The following CRYBG2 variants were observed in gnomAD, a reference collection of about 807,000 sequenced individuals.
CRYBG2 encodes beta/gamma crystallin domain-containing protein 2.
In CRYBG2, 106 loss-of-function variants were observed where a neutral mutation model predicts 153.4. The observed-to-expected ratio is 0.69, with a 90% CI of 0.59 to 0.81. The LOEUF is 0.81. Ranked by LOEUF, CRYBG2 falls within the 30% of genes least tolerant of loss-of-function variation. The probability of loss-of-function intolerance (pLI) is 0.00; values close to 1 mark genes in which losing one functional copy is unlikely to be tolerated. For synonymous variants in CRYBG2, 851 were observed against 877.8 expected (o/e 0.97, Z 0.54); for missense variants, 1,996 against 2,112.0 (o/e 0.95, Z 1.08).
At chr1:26,348,944 C>T (rs865816917) in intron 1 of CRYBG2, among the ~76,000 whole-genome samples, 28 of 151,840 alleles carry the variant, frequency 1.8e-4, no homozygotes, top group African/African-American at 5.3e-4. Context: ...CGAGGCAGGC[C>T]GATCACCTGA....
rs924622423 is a variant in CRYBG2, at chr1:26,336,576, G to A, written c.4038+30C>T. 1 of 1,542,406 alleles carries A rather than the reference G, an allele frequency of 6.5e-7. No homozygotes were observed. The highest frequency in any genetic ancestry group is 8.7e-7 in the Non-Finnish European group (1 of 1,143,220). ...CCGAACTCCAGGTCCCGCCACCGGGGAGGCCCCGCCCCCCGCGGCCGGCAC... is the reference window on the plus strand; with the variant it reads ...CCGAACTCCAGGTCCCGCCACCGGGAAGGCCCCGCCCCCCGCGGCCGGCAC... On this transcript the variant is annotated intron_variant, in intron 12 of 19. Transcript: ENST00000308182. This position sits in a 1 kb window ranked among gnomAD's most constrained non-coding sequence, Gnocchi z 4.9.
chr1:26,337,254 G>A lies in CRYBG2; in HGVS notation c.3770C>T (p.Thr1257Met), dbSNP rs997621101. 10 of 1,613,866 alleles carry A rather than the reference G, an allele frequency of 6.2e-6. No individual in the cohort carries two copies. Among genetic ancestry groups the A allele is most frequent in the African/African-American group, 4.0e-5 (3 of 74,878 alleles). ...ELLTSLRVIR[T>M]DFGDPAVVLF... is the part of the protein sequence containing the mutation. ...GATGGGCCAATTGCCTTTGCTTACC[G>A]TCCGGATGACCCGGAGGGAGGTCAG... The change falls in exon 10 of 20, where the codon ACG (threonine) becomes ATG (methionine). Residue 1257 changes from threonine to methionine, a missense_variant and splice_region_variant. Coordinates refer to ENST00000308182, the MANE Select transcript of CRYBG2 (RefSeq NM_001039775.4).
chr1:26,353,043 G>A (rs1349875297), intron 1 of CRYBG2, among the ~76,000 whole-genome samples: 2 of 152,092 alleles, frequency 1.3e-5, no homozygotes, highest in Admixed American at 1.3e-4. Context: ...TCCACTCTCT[G>A]CACAGGGCCA....
intron 14 of CRYBG2, among the ~76,000 whole-genome samples, chr1:26,333,287 CG>C (rs1467035574): frequency 1.3e-5 from 2 of 151,948 alleles, no homozygotes; most frequent in African/African-American, 2.4e-5. Context: ...AGGAAGAGGC[CG>C]GGTGCCGTGG....
Position 26,326,416 on chromosome 1 carries a change from T to C in CRYBG2, c.4578+1793A>G, listed in dbSNP as rs187190799. On this transcript the variant is annotated intron_variant, in intron 17 of 19. Coordinates refer to ENST00000308182, the MANE Select transcript of CRYBG2 (RefSeq NM_001039775.4). Reference sequence around the variant, plus strand: ...AGCCGGGCATGGTGGCGGGTGCCTGTAGTCCCAGCTACTCAGGAGGCTGAG... The same window carrying C: ...AGCCGGGCATGGTGGCGGGTGCCTGCAGTCCCAGCTACTCAGGAGGCTGAG... Among the ~76,000 whole-genome samples the C allele has an allele frequency of 4.7e-3, 718 of 151,732 alleles. 37 individuals carry two copies. In the East Asian group the frequency reaches 0.12, roughly 25 times the overall value.
chr1:26,347,942 T>C (rs569210787), intron 1 of CRYBG2, among the ~76,000 whole-genome samples: 1 of 152,312 alleles, frequency 6.6e-6, no homozygotes, highest in African/African-American at 2.4e-5. Context: ...CTTTTTATCT[T>C]TTTATTTTAA....
chr1:26,321,977 G>A lies in CRYBG2; in HGVS notation c.4977C>T (p.His1659=), dbSNP rs376404772. The A allele has an allele frequency of 4.0e-5, 63 of 1,583,040 alleles. No homozygotes were observed. The highest frequency in any genetic ancestry group is 2.7e-4 in the African/African-American group (20 of 74,246). Residue 1659 remains histidine (H), a synonymous_variant, in exon 20 of 20, where the codon CAC becomes CAT. Transcript: ENST00000308182. ...GGTGAGGGGAAAAGTTTCAAAGCAC[G>A]TGGATAGTCCAGATCTGGGATGCCC... The part of the protein sequence containing the change: ...EDRASQIWTI[H]VL
intron 8 of CRYBG2, 52 bp downstream of exon 8, chr1:26,337,960 C>A (rs370405670): frequency 1.4e-4 from 222 of 1,597,840 alleles, no homozygotes; most frequent in Non-Finnish European, 1.7e-4. Flanking sequence ...TAACCAAACA[C>A]CTGCACCCCG....
chr1:26,344,603 A>T lies in CRYBG2; in HGVS notation c.2055T>A (p.Ser685=). Residue 685 remains serine (S), a synonymous_variant, in exon 2 of 20, where the codon TCT becomes TCA. Coordinates refer to ENST00000308182, the MANE Select transcript of CRYBG2 (RefSeq NM_001039775.4). ...TGAGAGATGAGATGGGGCTCCCTTCAGAGTCCTGGACCCCCTTATCCTGTT... is the reference window on the plus strand; with the variant it reads ...TGAGAGATGAGATGGGGCTCCCTTCTGAGTCCTGGACCCCCTTATCCTGTT... ...LPKQDKGVQD[S]EGSPISSLTQ... 1 of 1,536,586 alleles carries T rather than the reference A, an allele frequency of 6.5e-7. No homozygotes were observed.
Position 26,345,921 on chromosome 1 carries a change from T to C in CRYBG2, c.737A>G (p.His246Arg). ...KVLSNLVPAG[H>R]SPPASHLPRP... is the part of the protein sequence containing the mutation. ...GGGCAGGTGACTGGCAGGGGGGCTG[T>C]GCCCAGCAGGCACGAGGTTACTTAG... Residue 246 changes from histidine (H) to arginine (R), a missense_variant, in exon 2 of 20, where the codon CAC (histidine) becomes CGC (arginine). By Grantham distance (29) the His-to-Arg change is conservative. Transcript: ENST00000308182. The C allele has an allele frequency of 1.9e-6, 3 of 1,596,810 alleles. No individual in the cohort carries two copies. The highest frequency in any genetic ancestry group is 1.7e-5 in the Admixed American group (1 of 59,920).
In CRYBG2 at chr1:26,336,451, C is replaced by T. The variant is rs2074056595; in HGVS notation, c.4039-81G>A. 2 of 1,568,842 alleles carry T rather than the reference C, an allele frequency of 1.3e-6. No individual in the cohort carries two copies. Among genetic ancestry groups the T allele is most frequent in the Non-Finnish European group, 1.7e-6 (2 of 1,156,954 alleles). On this transcript the variant is annotated intron_variant, in intron 12 of 19. Coordinates refer to ENST00000308182, the MANE Select transcript of CRYBG2 (RefSeq NM_001039775.4). The surrounding 1 kb of genome is among the most constrained non-coding windows in gnomAD (Gnocchi z 4.9). ...TTCTCTAGGTTTCAGTACCGTCCAC[C>T]CCGCGGCCGCGCCCTCGGCCCCGCC...
chr1:26,333,986 T>A (rs1451502724), intron 14 of CRYBG2, among the ~76,000 whole-genome samples: 1 of 152,150 alleles, frequency 6.6e-6, no homozygotes, highest in Non-Finnish European at 1.5e-5. Context: ...ATCCACCTAA[T>A]TAAAAATTTT....
At chr1:26,330,162 G>T (rs569895697) in intron 15 of CRYBG2, among the ~76,000 whole-genome samples, 2 of 152,268 alleles carry the variant, frequency 1.3e-5, no homozygotes, top group Non-Finnish European at 2.9e-5. Flanking sequence ...ATTCATCAGG[G>T]TTTACTACAG....
Position 26,336,791 on chromosome 1 carries a change from G to A in CRYBG2, c.3911+50C>T. On this transcript the variant is annotated intron_variant, in intron 11 of 19. Coordinates refer to ENST00000308182, the MANE Select transcript of CRYBG2 (RefSeq NM_001039775.4). This position sits in a 1 kb window ranked among gnomAD's most constrained non-coding sequence, Gnocchi z 4.9. ...CGGAGCCTGCACCTCTCCTGGAACC[G>A]CCCCCGGCTCGCCCGGGCCCGCCCC... is the stretch of plus-strand genomic sequence containing the variant. The A allele has an allele frequency of 5.1e-6, 8 of 1,558,840 alleles. No individual in the cohort carries two copies. The highest frequency in any genetic ancestry group is 6.1e-6 in the Non-Finnish European group (7 of 1,153,214).
chr1:26,332,818 T>G (rs1413659214), intron 14 of CRYBG2, among the ~76,000 whole-genome samples: 5 of 151,888 alleles, frequency 3.3e-5, no homozygotes, highest in African/African-American at 1.2e-4. Context: ...AATTCACACT[T>G]TTAAGGTGTA....
rs1426996219 is a variant in CRYBG2, at chr1:26,346,492, C to CA, written c.165dup (p.Glu56Ter). ...TCCACTTCCTCTCGACGGCTGAACT[C>CA]AAACATCTCCTTCTGCGGGGCTTCC... On this transcript the variant is annotated frameshift_variant, in exon 2 of 20. Coordinates refer to ENST00000308182, the MANE Select transcript of CRYBG2 (RefSeq NM_001039775.4). LOFTEE classifies it high-confidence loss of function. This position sits in a 1 kb window ranked among gnomAD's most constrained non-coding sequence, Gnocchi z 4.9. 1 of 1,612,554 alleles carries CA rather than the reference C, an allele frequency of 6.2e-7. No individual in the cohort carries two copies. Among genetic ancestry groups the CA allele is most frequent in the Admixed American group, 1.7e-5 (1 of 60,006 alleles).
chr1:26,330,441 T>G (rs2073985735), intron 15 of CRYBG2, among the ~76,000 whole-genome samples: 1 of 151,828 alleles, frequency 6.6e-6, no homozygotes, highest in African/African-American at 2.4e-5. Flanking sequence ...CTGGAGCCTG[T>G]GGCTTAGTTT....
At chr1:26,328,657 G>T in intron 16 of CRYBG2, 77 bp downstream of exon 16, 1 of 1,528,146 alleles carries the variant, frequency 6.5e-7, no homozygotes. Context: ...AGAGGCCAGA[G>T]ACCCCCAGGA....
At chr1:26,353,116 C>A (rs999594497) in intron 1 of CRYBG2, among the ~76,000 whole-genome samples, 2 of 152,114 alleles carry the variant, frequency 1.3e-5, no homozygotes, top group Admixed American at 1.3e-4. Flanking sequence ...GTTATAGAAA[C>A]CTAAGTTCAG....
Sources: gnomAD v4.1 joint callset for allele counts (sites outside exome capture counted in the v4.1 genomes callset) on GRCh38, gnomAD v4.1.1 for gene constraint, Gnocchi (gnomAD v3.1) non-coding constraint, MANE v1.5 for transcripts, NCBI Gene and HGNC (gene_info 2026-07-23, HGNC 2026-07-21) for gene names.